The following ATG7 variants were observed in gnomAD, a reference collection of about 807,000 sequenced individuals.
The protein encoded by ATG7 is autophagy related 7, also known as ubiquitin-like modifier-activating enzyme ATG7.
ATG7 carries 70 observed loss-of-function variants against 82.4 expected under a neutral mutation model. That is an observed-to-expected ratio of 0.85 (90% confidence interval 0.70 to 1.04). The LOEUF (loss-of-function observed/expected upper bound fraction) is 1.04. Ranked by LOEUF, ATG7 falls within the 50% of genes least tolerant of loss-of-function variation. ATG7 has a pLI of 0.00. For synonymous variants in ATG7, 287 were observed against 313.0 expected (o/e 0.92, Z 0.88); for missense variants, 792 against 864.3 (o/e 0.92, Z 1.05).
At chr3:11,364,992 A>G (rs2076505772) in intron 18 of ATG7, among the ~76,000 whole-genome samples, 2 of 152,192 alleles carry the variant, frequency 1.3e-5, no homozygotes, top group Admixed American at 1.3e-4. Flanking sequence ...TCATAATGCA[A>G]TAGGAACAGA....
chr3:11,515,676 A>T (rs888516062), intron 20 of ATG7, among the ~76,000 whole-genome samples: 5 of 152,018 alleles, frequency 3.3e-5, no homozygotes, highest in Non-Finnish European at 7.3e-5. Context: ...ATTAAGCCTC[A>T]TAGAACTGTT....
the ATG7 span, chr3:11,568,668 C>T: frequency 6.4e-6 from 10 of 1,557,248 alleles, no homozygotes; most frequent in Middle Eastern, 1.7e-4. The surrounding 1 kb of genome is among the most constrained non-coding windows in gnomAD (Gnocchi z 5.9). Context: ...AGGCCCCGCT[C>T]GCCCGGATGA....
At chr3:11,281,381 G>T (rs575949565) in intron 2 of ATG7, among the ~76,000 whole-genome samples, 1 of 152,230 alleles carries the variant, frequency 6.6e-6, no homozygotes, top group African/African-American at 2.4e-5. Context: ...TTTTCTGATT[G>T]TACAAAGGTG....
rs888741669 is a variant in ATG7 at position 11,557,140 on chromosome 3, G to C, written c.*2297G>C. On this transcript the variant is annotated 3_prime_UTR_variant, in exon 21 of 21. Transcript: ENST00000693202. ...CAGCACACCCCAGGGGGAGGGGATA[G>C]AAACGCTCATTGACCAAAAAGGAGC... is the stretch of plus-strand genomic sequence containing the variant. The C allele has an allele frequency of 2.6e-5, 4 of 152,678 alleles. No individual in the cohort carries two copies. Among genetic ancestry groups the C allele is most frequent in the African/African-American group, 9.6e-5 (4 of 41,468 alleles). 9.5% of individuals were successfully genotyped at this position (152,678 alleles called of 1,614,324 possible).
intron 14 of ATG7, among the ~76,000 whole-genome samples, chr3:11,354,650 C>CAAAAAAA (rs5846706): frequency 3.2e-5 from 2 of 61,930 alleles, no homozygotes; most frequent in Non-Finnish European, 2.9e-5. Context: ...TCCATCTCAC[C>CAAAAAAA]AAAAAAAAAA....
At chr3:11,362,788 C>G in intron 16 of ATG7, 25 bp from the exon 17 acceptor site, 1 of 1,601,476 alleles carries the variant, frequency 6.2e-7, no homozygotes, top group African/African-American at 1.3e-5. Context: ...ACGTTCTGCA[C>G]ACACCAATGA....
chr3:11,391,773 C>T lies in ATG7; in HGVS notation c.1956+11721C>T, dbSNP rs568080038. On this transcript the variant is annotated intron_variant, in intron 19 of 20. Coordinates refer to ENST00000693202, the MANE Select transcript of ATG7 (RefSeq NM_001349232.2). ...ATGGATGTTTTCCCAGTATCCCTTTCCAGTGTCTTATGAATTGGCTAGCAA... is the reference window on the plus strand; with the variant it reads ...ATGGATGTTTTCCCAGTATCCCTTTTCAGTGTCTTATGAATTGGCTAGCAA... Among the ~76,000 whole-genome samples, 13 of 152,280 alleles carry T rather than the reference C, an allele frequency of 8.5e-5. No homozygotes were observed. In the South Asian group the frequency reaches 1.7e-3, roughly 19 times the overall value.
At chr3:11,512,337 T>A (rs1490594085) in intron 20 of ATG7, among the ~76,000 whole-genome samples, 1 of 152,206 alleles carries the variant, frequency 6.6e-6, no homozygotes, top group Non-Finnish European at 1.5e-5. Context: ...GTTCCACCTC[T>A]GGGTCAAGGG....
intron 19 of ATG7, among the ~76,000 whole-genome samples, chr3:11,414,063 T>TTTTGA (rs2081156034): frequency 6.6e-6 from 1 of 152,066 alleles, no homozygotes; most frequent in South Asian, 2.1e-4. Flanking sequence ...TAATGGAGTT[T>TTTTGA]TTTGTTTTGT....
At chr3:11,277,604 G>T (rs565643058) in intron 1 of ATG7, among the ~76,000 whole-genome samples, 1 of 152,174 alleles carries the variant, frequency 6.6e-6, no homozygotes, top group African/African-American at 2.4e-5. Flanking sequence ...GGGGGTGTGC[G>T]AACAGGGAGT....
rs898208470 is a variant in ATG7 at position 11,556,138 on chromosome 3, CT to C, written c.*1304del. The C allele has an allele frequency of 2.0e-5, 3 of 152,012 alleles. No homozygotes were observed. The highest frequency in any genetic ancestry group is 2.4e-5 in the African/African-American group (1 of 41,190). The allele number at this position is 152,012 out of a possible 1,614,324, so 9.4% of individuals were successfully genotyped here. On this transcript the variant is annotated 3_prime_UTR_variant, in exon 21 of 21. Transcript: ENST00000693202. Reference sequence around the variant, plus strand: ...TACAAAAAAAGATGGCCTGCCAAACCTTTTTTTTTCTTCTTCCAGGAAAAAC... The same window carrying C: ...TACAAAAAAAGATGGCCTGCCAAACCTTTTTTTTCTTCTTCCAGGAAAAAC...
chr3:11,500,217 T>C (rs924492834), intron 20 of ATG7, among the ~76,000 whole-genome samples: 5 of 152,150 alleles, frequency 3.3e-5, no homozygotes, highest in African/African-American at 7.2e-5. Flanking sequence ...ATGTAATGTC[T>C]CAAACCCCCA....
At chr3:11,415,997 C>T (rs1193346036) in intron 19 of ATG7, among the ~76,000 whole-genome samples, 1 of 152,112 alleles carries the variant, frequency 6.6e-6, no homozygotes, top group African/African-American at 2.4e-5. Flanking sequence ...TACAGCTTCA[C>T]TAGGGATTAG....
At chr3:11,516,230 A>G (rs1461226420) in intron 20 of ATG7, among the ~76,000 whole-genome samples, 1 of 152,134 alleles carries the variant, frequency 6.6e-6, no homozygotes, top group Non-Finnish European at 1.5e-5. Flanking sequence ...AGATATACCT[A>G]ATGCTAAATG....
intron 11 of ATG7, among the ~76,000 whole-genome samples, chr3:11,337,980 C>T (rs148192037): frequency 1.1e-4 from 16 of 151,912 alleles, no homozygotes; most frequent in African/African-American, 3.4e-4. Flanking sequence ...CTTTTATTTT[C>T]GGTTCAGGGG....
intron 20 of ATG7, among the ~76,000 whole-genome samples, chr3:11,444,419 A>C (rs2084319515): frequency 6.6e-6 from 1 of 152,186 alleles, no homozygotes; most frequent in Admixed American, 6.5e-5. Flanking sequence ...AGCTTTGGAG[A>C]GCCACTAAAC....
the ATG7 span, among the ~76,000 whole-genome samples, chr3:11,572,527 C>T: frequency 1.3e-5 from 2 of 152,200 alleles, no homozygotes; most frequent in Admixed American, 6.5e-5. Flanking sequence ...CCAGGCCCTC[C>T]TCAGTCCCAT....
At chr3:11,568,391 A>T in the ATG7 span, among the ~76,000 whole-genome samples, 54 of 152,218 alleles carry the variant, frequency 3.5e-4, no homozygotes, top group South Asian at 1.7e-3. This position sits in a 1 kb window ranked among gnomAD's most constrained non-coding sequence, Gnocchi z 5.9. Flanking sequence ...GCAGCCCTGC[A>T]CCTAAATCTG....
intron 20 of ATG7, among the ~76,000 whole-genome samples, chr3:11,459,279 T>G (rs2086075115): frequency 6.6e-6 from 1 of 152,104 alleles, no homozygotes; most frequent in Non-Finnish European, 1.5e-5. Context: ...TTTGCCCTGA[T>G]TCATAGATGG....
Sources: gnomAD v4.1 joint callset for allele counts (sites outside exome capture counted in the v4.1 genomes callset) on GRCh38, gnomAD v4.1.1 for gene constraint, Gnocchi (gnomAD v3.1) non-coding constraint, MANE v1.5 for transcripts, NCBI Gene and HGNC (gene_info 2026-07-23, HGNC 2026-07-21) for gene names.